Variants in CCSER1 observed in about 807,000 individuals in gnomAD.
CCSER1 encodes serine-rich coiled-coil domain-containing protein 1.
In CCSER1, 41 loss-of-function variants were observed where a neutral mutation model predicts 82.0. That is an observed-to-expected ratio of 0.50 (90% CI 0.39 to 0.65). The LOEUF (loss-of-function observed/expected upper bound fraction) is 0.65, where lower values mean the gene tolerates loss of function less well. CCSER1 is among the 30% of genes least tolerant of loss of function. The probability of loss-of-function intolerance (pLI) is 0.00; values close to 1 mark genes in which losing one functional copy is unlikely to be tolerated. For missense variants in CCSER1, 1,119 were observed against 1,064.2 expected (o/e 1.05, Z -0.72); for synonymous variants, 414 against 383.9 (o/e 1.08, Z -0.92).
chr4:90,431,033 G>C (rs899053031), intron 4 of CCSER1, among the ~76,000 whole-genome samples: 2 of 151,892 alleles, frequency 1.3e-5, no homozygotes, highest in Non-Finnish European at 2.9e-5. Context: ...AGTTTCACAG[G>C]AGCCTGGTTT....
At chr4:90,338,488 A>G (rs989807772) in intron 3 of CCSER1, among the ~76,000 whole-genome samples, 2 of 152,184 alleles carry the variant, frequency 1.3e-5, no homozygotes, top group Non-Finnish European at 2.9e-5. Flanking sequence ...AACCCACAAT[A>G]TATGTCATCT....
intron 5 of CCSER1, among the ~76,000 whole-genome samples, chr4:90,536,440 T>C (rs908593193): frequency 2.6e-5 from 4 of 152,196 alleles, no homozygotes; most frequent in Admixed American, 2.0e-4. Context: ...TATACTGTAA[T>C]TGAGAAAAAC....
At chr4:91,597,154 A>G (rs1764621576) in intron 10 of CCSER1, among the ~76,000 whole-genome samples, 1 of 152,070 alleles carries the variant, frequency 6.6e-6, no homozygotes, top group Admixed American at 6.6e-5. Flanking sequence ...ATAATCAAGC[A>G]GACGGCCTGT....
chr4:90,508,009 G>A (rs1770954620), intron 5 of CCSER1, among the ~76,000 whole-genome samples: 1 of 152,024 alleles, frequency 6.6e-6, no homozygotes. Flanking sequence ...AACCGATAAT[G>A]TAGTGTGCTT....
chr4:90,168,962 C>CTTT (rs1039166855), intron 1 of CCSER1, among the ~76,000 whole-genome samples: 5 of 151,806 alleles, frequency 3.3e-5, no homozygotes, highest in Non-Finnish European at 7.4e-5. Flanking sequence ...GATGCGGGCT[C>CTTT]TTTTTTGGTT....
intron 10 of CCSER1, among the ~76,000 whole-genome samples, chr4:91,089,573 G>C (rs1374032112): frequency 2.0e-5 from 3 of 152,164 alleles, no homozygotes; most frequent in Admixed American, 2.0e-4. Context: ...CCGTGCAATA[G>C]ATTGATAGTG....
chr4:90,136,917 TTATAAA>T (rs775866299), intron 1 of CCSER1, among the ~76,000 whole-genome samples: 1 of 152,144 alleles, frequency 6.6e-6, no homozygotes. Flanking sequence ...AAATTCATTG[TTATAAA>T]TATAAATTAA....
chr4:91,390,746 T>C (rs1179764213), intron 10 of CCSER1, among the ~76,000 whole-genome samples: 1 of 152,130 alleles, frequency 6.6e-6, no homozygotes, highest in East Asian at 1.9e-4. Flanking sequence ...TGGTTACCGA[T>C]TCAACTTCTT....
intron 1 of CCSER1, among the ~76,000 whole-genome samples, chr4:90,136,317 A>G (rs1723690217): frequency 6.6e-6 from 1 of 152,146 alleles, no homozygotes; most frequent in Non-Finnish European, 1.5e-5. Flanking sequence ...CACACCATGC[A>G]TTCCAGCTTG....
intron 5 of CCSER1, among the ~76,000 whole-genome samples, chr4:90,504,570 G>C (rs1040397961): frequency 1.1e-4 from 17 of 152,102 alleles, no homozygotes; most frequent in African/African-American, 4.1e-4. Context: ...AGTTCTTCGG[G>C]ACTGGCCATT....
intron 1 of CCSER1, among the ~76,000 whole-genome samples, chr4:90,173,101 G>T (rs1249035058): frequency 6.6e-6 from 1 of 151,718 alleles, no homozygotes; most frequent in Non-Finnish European, 1.5e-5. Flanking sequence ...ATACCCAGAA[G>T]ATGTATCTTA....
chr4:91,403,684 T>C (rs1483468041), intron 10 of CCSER1, among the ~76,000 whole-genome samples: 1 of 152,240 alleles, frequency 6.6e-6, no homozygotes, highest in East Asian at 1.9e-4. Flanking sequence ...TCTGTTTGTA[T>C]GATGGATTAC....
At chr4:90,558,060 G>A (rs1447917520) in intron 5 of CCSER1, among the ~76,000 whole-genome samples, 2 of 152,096 alleles carry the variant, frequency 1.3e-5, no homozygotes, top group African/African-American at 4.8e-5. Flanking sequence ...AATAAAATAT[G>A]CAACTAAGAA....
chr4:91,246,053 G>C (rs1739749796), intron 10 of CCSER1, among the ~76,000 whole-genome samples: 1 of 152,166 alleles, frequency 6.6e-6, no homozygotes, highest in Non-Finnish European at 1.5e-5. Context: ...CTAATTGGTA[G>C]TAGTAAGCAC....
At chr4:91,584,772 T>C (rs1763905689) in intron 10 of CCSER1, among the ~76,000 whole-genome samples, 2 of 151,540 alleles carry the variant, frequency 1.3e-5, no homozygotes, top group African/African-American at 4.8e-5. Flanking sequence ...ATAAACATTG[T>C]TATTAAAAAT....
At chr4:91,295,478 A>T (rs1484732743) in intron 10 of CCSER1, among the ~76,000 whole-genome samples, 1 of 151,948 alleles carries the variant, frequency 6.6e-6, no homozygotes, top group Non-Finnish European at 1.5e-5. Flanking sequence ...TGTTATCTAA[A>T]TGGTTATATA....
At chr4:90,449,810 G>C (rs1400892787) in intron 4 of CCSER1, among the ~76,000 whole-genome samples, 3 of 152,224 alleles carry the variant, frequency 2.0e-5, no homozygotes, top group Non-Finnish European at 4.4e-5. Context: ...TTCCCAGAGA[G>C]TGCATGGATG....
chr4:90,822,363 CTT>C (rs2149791314), intron 8 of CCSER1, among the ~76,000 whole-genome samples: 1 of 152,256 alleles, frequency 6.6e-6, no homozygotes, highest in South Asian at 2.1e-4. Flanking sequence ...CTGTTGGACA[CTT>C]TTATTTGTTT....
chr4:91,426,609 T>C (rs1753997840), intron 10 of CCSER1, among the ~76,000 whole-genome samples: 2 of 152,290 alleles, frequency 1.3e-5, no homozygotes, highest in East Asian at 3.9e-4. Flanking sequence ...ACTTAGTCTA[T>C]TGTATTTAAT....
Sources: gnomAD v4.1 joint callset for allele counts (sites outside exome capture counted in the v4.1 genomes callset) on GRCh38, gnomAD v4.1.1 for gene constraint, MANE v1.5 for transcripts, NCBI Gene and HGNC (gene_info 2026-07-23, HGNC 2026-07-21) for gene names.